The following DNAH9 variants were observed in gnomAD, a reference collection of about 807,000 sequenced individuals.
DNAH9 encodes the protein DNAH9 variant protein.
DNAH9 carries 345 observed loss-of-function variants against 471.6 expected under a neutral mutation model. The ratio of observed to expected loss-of-function variants is 0.73; its 90% confidence interval spans 0.67 to 0.80. The LOEUF (loss-of-function observed/expected upper bound fraction) is 0.80. DNAH9 is among the 30% of genes least tolerant of loss of function. DNAH9 has a pLI of 0.00. For missense variants in DNAH9, 5,407 were observed against 5,609.2 expected (o/e 0.96, Z 1.15); for synonymous variants, 2,093 against 2,123.6 (o/e 0.99, Z 0.40).
At chr17:11,930,153 T>G in intron 63 of DNAH9, 60 bp downstream of exon 63, 1 of 1,422,562 alleles carries the variant, frequency 7.0e-7, no homozygotes. Flanking sequence ...TGATGCAAAC[T>G]GGTGGGGGGA....
intron 11 of DNAH9, among the ~76,000 whole-genome samples, chr17:11,644,985 T>A (rs1456912436): frequency 6.6e-6 from 1 of 152,190 alleles, no homozygotes. Flanking sequence ...GAGACGGATG[T>A]CACGGAAAAT....
chr17:11,753,683 G>T (rs1967253967), intron 33 of DNAH9, among the ~76,000 whole-genome samples: 1 of 152,168 alleles, frequency 6.6e-6, no homozygotes. Context: ...CTAGCTGGTG[G>T]CTGTTAAGCT....
chr17:11,921,469 A>G (rs1282268443), intron 61 of DNAH9, among the ~76,000 whole-genome samples: 1 of 152,082 alleles, frequency 6.6e-6, no homozygotes, highest in East Asian at 1.9e-4. Context: ...TGACACCACC[A>G]TATGTAGAGC....
At chr17:11,914,572 A>C (rs1458805815) in intron 61 of DNAH9, among the ~76,000 whole-genome samples, 1 of 152,176 alleles carries the variant, frequency 6.6e-6, no homozygotes, top group Non-Finnish European at 1.5e-5. Context: ...GGTGTCTAAA[A>C]ATGCTTCAGT....
intron 32 of DNAH9, among the ~76,000 whole-genome samples, chr17:11,752,586 G>T (rs1441694092): frequency 6.6e-6 from 1 of 152,134 alleles, no homozygotes; most frequent in Non-Finnish European, 1.5e-5. Flanking sequence ...ACAATCGCTT[G>T]AACCCAGGAG....
chr17:11,645,026 C>G (rs539515710), intron 11 of DNAH9, among the ~76,000 whole-genome samples: 1 of 152,318 alleles, frequency 6.6e-6, no homozygotes, highest in East Asian at 1.9e-4. Context: ...CAGAAAGCAA[C>G]AGTGCATGCT....
chr17:11,770,578 A>G (rs1968166654), intron 38 of DNAH9, among the ~76,000 whole-genome samples: 1 of 152,112 alleles, frequency 6.6e-6, no homozygotes, highest in Admixed American at 6.6e-5. Flanking sequence ...ACTCACCTCT[A>G]GACTTCATCC....
At chr17:11,683,176 T>A (rs546219412) in intron 19 of DNAH9, among the ~76,000 whole-genome samples, 2 of 152,242 alleles carry the variant, frequency 1.3e-5, no homozygotes, top group East Asian at 3.9e-4. Flanking sequence ...CTTTTTGTTT[T>A]GTTTTGTTTT....
intron 45 of DNAH9, among the ~76,000 whole-genome samples, chr17:11,812,066 C>T (rs1475118314): frequency 2.7e-5 from 3 of 111,798 alleles, no homozygotes; most frequent in Non-Finnish European, 5.6e-5. Flanking sequence ...CACATACATA[C>T]ACACATACAT....
At chr17:11,721,239 C>CG (rs1350172625) in intron 27 of DNAH9, among the ~76,000 whole-genome samples, 1 of 151,994 alleles carries the variant, frequency 6.6e-6, no homozygotes, top group Non-Finnish European at 1.5e-5. Flanking sequence ...ACAGGGTGAA[C>CG]GGGGGAGTCT....
In DNAH9 at chr17:11,869,254, G is replaced by A. The variant is rs917909647; in HGVS notation, c.10053+1G>A. The A allele has an allele frequency of 6.2e-7, 1 of 1,613,200 alleles. No homozygotes were observed. Among genetic ancestry groups the A allele is most frequent in the African/African-American group, 1.3e-5 (1 of 74,912 alleles). ...CACCATCTCCCTTGCCAACCGCCTG[G>A]TGAGTGTAAGCCACAGCAGCCCGAG... On this transcript the variant is annotated splice_donor_variant, in intron 51 of 68. Coordinates refer to ENST00000262442, the MANE Select transcript of DNAH9 (RefSeq NM_001372.4). LOFTEE classifies it high-confidence loss of function.
intron 28 of DNAH9, among the ~76,000 whole-genome samples, chr17:11,731,145 G>A (rs1482141058): frequency 6.8e-6 from 1 of 146,178 alleles, no homozygotes; most frequent in Non-Finnish European, 1.5e-5. Context: ...TAATGACAGT[G>A]ATGATGATGG....
chr17:11,784,987 A>C (rs1043221978), intron 41 of DNAH9, among the ~76,000 whole-genome samples: 1 of 152,164 alleles, frequency 6.6e-6, no homozygotes, highest in Non-Finnish European at 1.5e-5. Flanking sequence ...CCACATTGTC[A>C]TACTCCTAAG....
Position 11,897,894 on chromosome 17 carries a change from C to G in DNAH9, c.11406+3398C>G, listed in dbSNP as rs1973268983. On this transcript the variant is annotated intron_variant, in intron 59 of 68. Coordinates refer to ENST00000262442, the MANE Select transcript of DNAH9 (RefSeq NM_001372.4). ...TTAAAACAACAGAAATCTGTTTTCT[C>G]ACAGTCGTGGAGGCTGAAAGCTGAA... Among the ~76,000 whole-genome samples, 3 of 152,294 alleles carry G rather than the reference C, an allele frequency of 2.0e-5. No individual in the cohort carries two copies. In the South Asian group the frequency reaches 6.2e-4, roughly 32 times the overall value.
chr17:11,618,905 T>C (rs1280542293), intron 5 of DNAH9, among the ~76,000 whole-genome samples: 1 of 152,182 alleles, frequency 6.6e-6, no homozygotes, highest in East Asian at 1.9e-4. Context: ...GTTTGACTCC[T>C]CCTAGGCTAG....
In DNAH9 at chr17:11,651,245, T is replaced by G; in HGVS notation, c.2274T>G (p.Phe758Leu). ...KVMKTLLEVE[F>L]PLVEEELQNI... ...TGAAAACTCTGCTGGAGGTGGAATT[T>G]CCATTAGTGGAGGAAGAGCTGCAAA... The change falls in exon 13 of 69, where the codon TTT becomes TTG. Residue 758 changes from phenylalanine (F) to leucine (L), a missense_variant. Phe to Leu is a conservative substitution (Grantham distance 22, BLOSUM62 0). Coordinates refer to ENST00000262442, the MANE Select transcript of DNAH9 (RefSeq NM_001372.4). 6.2e-7 allele frequency: 1 copy of G among 1,614,034 alleles called. No homozygotes were observed. The highest frequency in any genetic ancestry group is 8.5e-7 in the Non-Finnish European group (1 of 1,179,964).
chr17:11,715,103 A>G (rs536078980), intron 26 of DNAH9, among the ~76,000 whole-genome samples: 2 of 152,358 alleles, frequency 1.3e-5, no homozygotes, highest in South Asian at 4.1e-4. Flanking sequence ...CACCTACTCT[A>G]GGATCATCTG....
At chr17:11,621,648 A>G (rs1487449931) in intron 6 of DNAH9, among the ~76,000 whole-genome samples, 1 of 152,194 alleles carries the variant, frequency 6.6e-6, no homozygotes, top group African/African-American at 2.4e-5. Context: ...ACTGAGATAC[A>G]AAGACGACTG....
chr17:11,963,568 AGATGAAG>A (rs1467007753), intron 68 of DNAH9, among the ~76,000 whole-genome samples: 8 of 152,282 alleles, frequency 5.3e-5, no homozygotes, highest in African/African-American at 1.9e-4. Context: ...CTCACTAACT[AGATGAAG>A]GGATCCATAC....
Sources: gnomAD v4.1 joint callset for allele counts (sites outside exome capture counted in the v4.1 genomes callset) on GRCh38, gnomAD v4.1.1 for gene constraint, MANE v1.5 for transcripts, NCBI Gene and HGNC (gene_info 2026-07-23, HGNC 2026-07-21) for gene names.